The following PARD3B variants were observed in gnomAD, a reference collection of about 807,000 sequenced individuals.
PARD3B encodes par-3 family cell polarity regulator beta.
A neutral mutation model predicts 130.2 loss-of-function variants in PARD3B; 103 were observed. The observed-to-expected ratio is 0.79, with a 90% CI of 0.67 to 0.93. The LOEUF is 0.93. Ranked by LOEUF, PARD3B falls within the 40% of genes least tolerant of loss-of-function variation. PARD3B has a pLI of 0.00. For missense variants in PARD3B, 1,609 were observed against 1,499.2 expected, an observed-to-expected ratio of 1.07 and a Z score of -1.21; for synonymous variants, 583 against 553.2, an observed-to-expected ratio of 1.05 and a Z score of -0.76.
chr2:204,733,577 G>A (rs2039617742), intron 2 of PARD3B, among the ~76,000 whole-genome samples: 1 of 149,848 alleles, frequency 6.7e-6, no homozygotes, highest in East Asian at 2.0e-4. Context: ...ACCTAGAATA[G>A]TAAAAACATT....
chr2:204,641,741 T>C (rs2035084224), intron 1 of PARD3B, among the ~76,000 whole-genome samples: 1 of 152,208 alleles, frequency 6.6e-6, no homozygotes, highest in Non-Finnish European at 1.5e-5. Flanking sequence ...CTTTGGGAAC[T>C]ATTCCAGTGT....
At chr2:204,563,243 C>T (rs1427387613) in intron 1 of PARD3B, among the ~76,000 whole-genome samples, 1 of 148,736 alleles carries the variant, frequency 6.7e-6, no homozygotes, top group African/African-American at 2.5e-5. Context: ...CTCTCTCTCT[C>T]TCTCTCTCTC....
chr2:205,107,448 A>G (rs1220390931), intron 5 of PARD3B, among the ~76,000 whole-genome samples: 2 of 152,230 alleles, frequency 1.3e-5, no homozygotes, highest in Non-Finnish European at 2.9e-5. Flanking sequence ...TAAATGAGAT[A>G]TAGTACAGAC....
intron 2 of PARD3B, among the ~76,000 whole-genome samples, chr2:204,698,018 A>G (rs2037698862): frequency 6.6e-6 from 1 of 152,110 alleles, no homozygotes; most frequent in Non-Finnish European, 1.5e-5. Flanking sequence ...CTAGCTTCCA[A>G]CAAGAGAAGA....
intron 1 of PARD3B, among the ~76,000 whole-genome samples, chr2:204,589,520 A>G (rs979285461): frequency 6.6e-6 from 1 of 152,186 alleles, no homozygotes; most frequent in African/African-American, 2.4e-5. Context: ...ATGCCTAGCA[A>G]TGTGAAAACA....
chr2:205,024,162 CTTTTT>C (rs1172893472), intron 3 of PARD3B, among the ~76,000 whole-genome samples: 1,976 of 98,698 alleles, frequency 0.02, 14 homozygotes, highest in African/African-American at 0.05. Flanking sequence ...TTCTTTCTTT[CTTTTT>C]TTTTTTTTTT....
intron 18 of PARD3B, among the ~76,000 whole-genome samples, chr2:205,333,889 T>A (rs1188841505): frequency 6.6e-6 from 1 of 152,166 alleles, no homozygotes; most frequent in African/African-American, 2.4e-5. Context: ...TACTGAAATT[T>A]TACCCCTTTT....
At chr2:205,036,976 A>C (rs573028404) in intron 3 of PARD3B, among the ~76,000 whole-genome samples, 1 of 147,728 alleles carries the variant, frequency 6.8e-6, no homozygotes, top group Non-Finnish European at 1.5e-5. Flanking sequence ...CGGACTGTAT[A>C]TATAAAAAAC....
chr2:205,490,308 C>T (rs1299934328), intron 20 of PARD3B, among the ~76,000 whole-genome samples: 1 of 151,924 alleles, frequency 6.6e-6, no homozygotes, highest in Non-Finnish European at 1.5e-5. Flanking sequence ...GTTCCCCTTC[C>T]TGTGTCCATG....
At chr2:205,096,349 G>A (rs528961853) in intron 4 of PARD3B, among the ~76,000 whole-genome samples, 1 of 152,224 alleles carries the variant, frequency 6.6e-6, no homozygotes, top group South Asian at 2.1e-4. Flanking sequence ...TGTCTCTTTT[G>A]TGTTAGACCA....
At chr2:204,816,072 G>T (rs2043136301) in intron 2 of PARD3B, among the ~76,000 whole-genome samples, 1 of 151,866 alleles carries the variant, frequency 6.6e-6, no homozygotes, top group South Asian at 2.1e-4. Flanking sequence ...TATGTTAGTG[G>T]TTGCTGTAAG....
At chr2:204,606,000 G>A (rs1192258042) in intron 1 of PARD3B, among the ~76,000 whole-genome samples, 2 of 152,086 alleles carry the variant, frequency 1.3e-5, no homozygotes, top group African/African-American at 2.4e-5. Context: ...TTGCTTCTCA[G>A]TGAAAAGGGA....
intron 1 of PARD3B, among the ~76,000 whole-genome samples, chr2:204,560,992 G>C (rs1332146619): frequency 6.6e-6 from 1 of 151,012 alleles, no homozygotes; most frequent in East Asian, 2.0e-4. Flanking sequence ...CGCAGTCTCT[G>C]AGACATTTCA....
rs1176332618 is a variant in PARD3B at position 204,545,511 on chromosome 2, T to G, written c.-489T>G. On this transcript the variant is annotated 5_prime_UTR_variant, in exon 1 of 23. Coordinates refer to ENST00000406610, the MANE Select transcript of PARD3B (RefSeq NM_001302769.2). ...CCAGAGCGCGGGCGCCGCAGAGGAG[T>G]TGGGAGCCGGCGCAAAAGTTTCCTC... Among the ~76,000 whole-genome samples the G allele has an allele frequency of 2.0e-5, 3 of 151,158 alleles. No individual in the cohort carries two copies. Among genetic ancestry groups the G allele is most frequent in the Non-Finnish European group, 4.4e-5 (3 of 67,714 alleles).
intron 2 of PARD3B, among the ~76,000 whole-genome samples, chr2:204,942,591 A>G (rs1038923097): frequency 2.0e-5 from 3 of 152,242 alleles, no homozygotes; most frequent in Middle Eastern, 3.4e-3. Flanking sequence ...ACAAAGCTTT[A>G]ACTTTCTTTT....
In PARD3B at chr2:204,881,777, A is replaced by C. The variant is rs150371293; in HGVS notation, c.223-83375A>C. 9.3e-4 allele frequency among the ~76,000 whole-genome samples: 142 copies of C among 152,318 alleles called. 1 individual carries two copies. The highest frequency in any genetic ancestry group is 3.9e-3 in the East Asian group (20 of 5,182). The stretch of plus-strand genomic sequence containing the variant: ...TTTTCAGAGAAAGATTTTGCAACCC[A>C]GAGTCAGGAGTGCTGCTGCTGTGTG... On this transcript the variant is annotated intron_variant, in intron 2 of 22. Coordinates refer to ENST00000406610, the MANE Select transcript of PARD3B (RefSeq NM_001302769.2).
chr2:204,909,242 CA>C (rs1241419034), intron 2 of PARD3B, among the ~76,000 whole-genome samples: 1 of 151,994 alleles, frequency 6.6e-6, no homozygotes, highest in African/African-American at 2.4e-5. Flanking sequence ...CATAATGTTA[CA>C]GAAATTACAT....
chr2:205,144,810 A>G (rs1363603518), intron 10 of PARD3B, among the ~76,000 whole-genome samples: 1 of 152,210 alleles, frequency 6.6e-6, no homozygotes, highest in Non-Finnish European at 1.5e-5. Flanking sequence ...ATTGGTATCC[A>G]GCAGGAATCA....
At chr2:205,472,858 A>T (rs771701991) in intron 20 of PARD3B, among the ~76,000 whole-genome samples, 13 of 152,086 alleles carry the variant, frequency 8.5e-5, no homozygotes, top group Non-Finnish European at 1.5e-4. Context: ...AGAGTATGGG[A>T]AGTTGTATAG....
Sources: allele counts gnomAD v4.1 joint callset (sites outside exome capture counted in the v4.1 genomes callset), GRCh38; gene constraint gnomAD v4.1.1; transcripts MANE v1.5; gene names NCBI Gene and HGNC (gene_info 2026-07-23, HGNC 2026-07-21).